EYA3: variants seen among roughly 807,000 people sequenced by gnomAD.
EYA3 encodes EYA transcriptional coactivator and phosphatase 3.
Under a neutral mutation model 80.0 loss-of-function variants are expected in EYA3, and 39 were observed. The observed-to-expected ratio is 0.49, with a 90% confidence interval of 0.38 to 0.64. The LOEUF is 0.64. Among genes scored for constraint, EYA3 ranks in the 30% least tolerant of loss-of-function variants. EYA3 has a pLI of 0.00. For synonymous variants in EYA3, 206 were observed against 232.8 expected, an observed-to-expected ratio of 0.88 and a Z score of 1.05; for missense variants, 523 against 676.1, an observed-to-expected ratio of 0.77 and a Z score of 2.51.
chr1:28,038,464 A>AC (rs144719488), intron 5 of EYA3, among the ~76,000 whole-genome samples: 1 of 143,556 alleles, frequency 7.0e-6, no homozygotes, highest in African/African-American at 2.6e-5. Context: ...AAAAAAAAAA[A>AC]CCGAACACAG....
intron 8 of EYA3, among the ~76,000 whole-genome samples, chr1:28,014,097 AC>A (rs2148796173): frequency 6.6e-6 from 1 of 152,066 alleles, no homozygotes; most frequent in African/African-American, 2.4e-5. Flanking sequence ...CTGATTATCT[AC>A]CTAAAACAAT....
intron 2 of EYA3, among the ~76,000 whole-genome samples, chr1:28,055,985 C>T (rs1644424081): frequency 6.6e-6 from 1 of 150,408 alleles, no homozygotes; most frequent in African/African-American, 2.5e-5. Flanking sequence ...CCACTACAGC[C>T]TGTGAAAAGC....
At chr1:27,993,643 A>G (rs941157674) in intron 13 of EYA3, 83 bp from the exon 14 acceptor site, 113 of 1,233,048 alleles carry the variant, frequency 9.2e-5, no homozygotes, top group Admixed American at 4.4e-4. Context: ...GGTTCTTGGT[A>G]TCTGATAAAT....
chr1:27,988,499 C>T, intron 16 of EYA3, 36 bp downstream of exon 16: 1 of 1,602,552 alleles, frequency 6.2e-7, no homozygotes, highest in Non-Finnish European at 8.5e-7. Context: ...AGTTTTATTG[C>T]AAGGCCAGTG....
chr1:27,981,477 G>A (rs113174631), intron 16 of EYA3, among the ~76,000 whole-genome samples: 10 of 152,218 alleles, frequency 6.6e-5, no homozygotes, highest in African/African-American at 1.2e-4. Context: ...TAAAGCAACC[G>A]GCAGCAGGAA....
In EYA3 at chr1:28,036,208, T is replaced by C. The variant is rs533279018; in HGVS notation, c.225-528A>G. Among the ~76,000 whole-genome samples the C allele has an allele frequency of 3.3e-5, 5 of 152,366 alleles. No homozygotes were observed. The East Asian group carries it at 9.6e-4, about 29-fold the overall frequency. On this transcript the variant is annotated intron_variant, in intron 5 of 17. Transcript: ENST00000373871. ...AGGAACAATTTTATGAAAAATTTAA[T>C]AGTTCCAAACATCCCTCCAAGTTCC...
intron 2 of EYA3, among the ~76,000 whole-genome samples, chr1:28,048,901 G>A (rs879338496): frequency 7.2e-5 from 11 of 152,118 alleles, no homozygotes; most frequent in Admixed American, 7.2e-4. Context: ...TGTTAACCCT[G>A]TATTTTTTCT....
chr1:28,042,931 G>A (rs1038183129), intron 3 of EYA3, among the ~76,000 whole-genome samples: 5 of 151,852 alleles, frequency 3.3e-5, no homozygotes, highest in African/African-American at 7.3e-5. Context: ...TGCAACCTCC[G>A]CCTCCTGGGT....
At chr1:28,001,794 G>A (rs1365702600) in intron 11 of EYA3, among the ~76,000 whole-genome samples, 4 of 146,958 alleles carry the variant, frequency 2.7e-5, no homozygotes, top group Non-Finnish European at 6.0e-5. Flanking sequence ...GCTGCGGCGC[G>A]ATCTCGGCTC....
At chr1:28,082,583 T>C (rs1219585426) in intron 1 of EYA3, among the ~76,000 whole-genome samples, 3 of 152,158 alleles carry the variant, frequency 2.0e-5, no homozygotes, top group Non-Finnish European at 4.4e-5. Flanking sequence ...ATGATAGTCC[T>C]GAAGAGATGA....
At chr1:27,978,315 C>A in intron 17 of EYA3, 59 bp downstream of exon 17, 1 of 1,248,606 alleles carries the variant, frequency 8.0e-7, no homozygotes, top group South Asian at 1.3e-5. Context: ...GTAGTTTTTC[C>A]CATTTTTCTC....
intron 2 of EYA3, among the ~76,000 whole-genome samples, chr1:28,054,983 T>C (rs2148892619): frequency 6.6e-6 from 1 of 152,360 alleles, no homozygotes; most frequent in Non-Finnish European, 1.5e-5. Context: ...GACAGTGTTC[T>C]AAAACAGATT....
At chr1:27,996,611 A>AT (rs1170588084) in intron 13 of EYA3, among the ~76,000 whole-genome samples, 1 of 152,240 alleles carries the variant, frequency 6.6e-6, no homozygotes, top group African/African-American at 2.4e-5. Flanking sequence ...TTAAGGTGGT[A>AT]TGTCCAGTTC....
chr1:28,032,722 G>A (rs1312208629), intron 6 of EYA3, among the ~76,000 whole-genome samples: 1 of 152,122 alleles, frequency 6.6e-6, no homozygotes, highest in Admixed American at 6.5e-5. Context: ...GGAAGAATAT[G>A]ATCAGTATTT....
At chr1:28,042,508 A>G (rs1278945434) in intron 4 of EYA3, 63 bp downstream of exon 4, 16 of 1,441,226 alleles carry the variant, frequency 1.1e-5, no homozygotes, top group East Asian at 2.3e-5. Context: ...AACCAACTCT[A>G]TAAGAAAAGC....
intron 2 of EYA3, among the ~76,000 whole-genome samples, chr1:28,054,882 GGTTT>G (rs930500072): frequency 1.1e-4 from 16 of 152,120 alleles, no homozygotes; most frequent in African/African-American, 2.9e-4. Flanking sequence ...TTCACTACTT[GGTTT>G]GTTTGTTTGT....
chr1:28,048,276 G>T, intron 3 of EYA3, 107 bp downstream of exon 3: 1 of 638,510 alleles, frequency 1.6e-6, no homozygotes, highest in Middle Eastern at 4.5e-4. Flanking sequence ...ACAGCTGATG[G>T]TAAGAACCAA....
intron 1 of EYA3, among the ~76,000 whole-genome samples, chr1:28,064,378 C>CTA (rs71727340): frequency 2.0e-3 from 270 of 136,352 alleles, no homozygotes; most frequent in African/African-American, 3.1e-3. Flanking sequence ...CTCTCTCTCT[C>CTA]TATATATATA....
At chr1:27,997,495 T>C in intron 12 of EYA3, 117 bp from the exon 13 acceptor site, 3 of 896,384 alleles carry the variant, frequency 3.3e-6, no homozygotes, top group South Asian at 2.8e-5. Context: ...TTATGGAATC[T>C]CTTATGTGTG....
Sources: allele counts gnomAD v4.1 joint callset (sites outside exome capture counted in the v4.1 genomes callset), GRCh38; gene constraint gnomAD v4.1.1; transcripts MANE v1.5; gene names NCBI Gene and HGNC (gene_info 2026-07-23, HGNC 2026-07-21).